Variants in MTMR3 observed in about 807,000 individuals in gnomAD.
MTMR3 encodes the protein phosphatidylinositol-3,5-bisphosphate 3-phosphatase MTMR3.
In MTMR3, 32 loss-of-function variants were observed where a neutral mutation model predicts 132.4. That is an observed-to-expected ratio of 0.24 (90% CI 0.18 to 0.32). The LOEUF (loss-of-function observed/expected upper bound fraction) is 0.32. Among genes scored for constraint, MTMR3 ranks in the 10% least tolerant of loss-of-function variants. The pLI is 1.00. For missense variants in MTMR3, 1,216 were observed against 1,489.6 expected (o/e 0.82, Z 3.02); for synonymous variants, 556 against 550.3 (o/e 1.01, Z -0.14).
intron 3 of MTMR3, among the ~76,000 whole-genome samples, chr22:29,974,068 A>G (rs1045263345): frequency 6.6e-6 from 1 of 152,114 alleles, no homozygotes; most frequent in African/African-American, 2.4e-5. Context: ...ATGGAGGTGG[A>G]TGGAGACTAC....
At chr22:29,930,113 A>T (rs7291756) in intron 1 of MTMR3, among the ~76,000 whole-genome samples, 5 of 152,066 alleles carry the variant, frequency 3.3e-5, no homozygotes, top group African/African-American at 1.2e-4. Flanking sequence ...GTGTGTTTGT[A>T]TAATATTTTT....
intron 1 of MTMR3, among the ~76,000 whole-genome samples, chr22:29,904,084 T>C (rs751294818): frequency 3.3e-5 from 5 of 152,244 alleles, no homozygotes; most frequent in East Asian, 1.9e-4. Context: ...ACAAGACTTA[T>C]AGCTCTTTAC....
chr22:29,902,740 T>TCCTCC (rs1401510038), intron 1 of MTMR3, among the ~76,000 whole-genome samples: 1 of 152,104 alleles, frequency 6.6e-6, no homozygotes, highest in Non-Finnish European at 1.5e-5. Context: ...TCTTCTCCTC[T>TCCTCC]CCTCCCCTCT....
At chr22:29,946,233 T>C (rs938385009) in intron 1 of MTMR3, among the ~76,000 whole-genome samples, 3 of 152,114 alleles carry the variant, frequency 2.0e-5, no homozygotes, top group Non-Finnish European at 4.4e-5. Flanking sequence ...CTAGAACAAC[T>C]GTGATTCCCA....
At chr22:29,954,092 A>ATTTTTTTTTTTTTTTTTTTT (rs1602555250) in intron 1 of MTMR3, among the ~76,000 whole-genome samples, 1 of 45,186 alleles carries the variant, frequency 2.2e-5, no homozygotes, top group African/African-American at 8.2e-5. Flanking sequence ...TTGTCTCTTA[A>ATTTTTTTTTTTTTTTTTTTT]ATTTAAAAGA....
At chr22:29,973,379 T>C (rs940512400) in intron 3 of MTMR3, among the ~76,000 whole-genome samples, 1 of 152,220 alleles carries the variant, frequency 6.6e-6, no homozygotes, top group Non-Finnish European at 1.5e-5. Context: ...ATGACTATTC[T>C]TGTTTCATTT....
intron 3 of MTMR3, among the ~76,000 whole-genome samples, chr22:29,974,976 C>G (rs944860802): frequency 1.3e-5 from 2 of 152,072 alleles, no homozygotes; most frequent in African/African-American, 2.4e-5. Flanking sequence ...CATTTGGTCT[C>G]TTTTTTTGGA....
chr22:29,923,350 G>T (rs777710068), intron 1 of MTMR3, among the ~76,000 whole-genome samples: 47 of 151,678 alleles, frequency 3.1e-4, no homozygotes, highest in Non-Finnish European at 1.3e-4. Context: ...GGGATTACAG[G>T]TGTGAGCCAC....
Position 29,978,939 on chromosome 22 carries a change from C to G in MTMR3, c.97C>G (p.Pro33Ala). The G allele has an allele frequency of 1.2e-6, 2 of 1,609,340 alleles. No homozygotes were observed. The highest frequency in any genetic ancestry group is 1.7e-6 in the Non-Finnish European group (2 of 1,176,382). ...LIREDENLQV[P>A]FLELHGESTE... ...AAGGGTTTCTTTCATTTCGAAGGTT[C>G]CTTTCCTTGAACTTCATGGAGAGAG... The change falls in exon 5 of 20, where the codon CCT becomes GCT. Residue 33 changes from proline (P) to alanine (A), a missense_variant. Pro to Ala is a conservative substitution (Grantham distance 27). Around this residue, in one of 7 missense-constraint regions of MTMR3, gnomAD observed 81 missense variants for 87.7 expected, o/e 0.92. Coordinates refer to ENST00000401950, the MANE Select transcript of MTMR3 (RefSeq NM_021090.4).
intron 1 of MTMR3, among the ~76,000 whole-genome samples, chr22:29,937,935 G>A (rs1269847722): frequency 6.6e-6 from 1 of 152,032 alleles, no homozygotes; most frequent in Non-Finnish European, 1.5e-5. Context: ...GGTCACAGGA[G>A]AACAGAAAAT....
intron 12 of MTMR3, chr22:30,010,303 T>C (rs1440422940): frequency 6.6e-6 from 1 of 152,218 alleles, no homozygotes; most frequent in African/African-American, 2.4e-5. Flanking sequence ...CATGATCTAA[T>C]ACCCTCCATA....
intron 5 of MTMR3, chr22:29,986,445 C>CT (rs1245462049): frequency 3.9e-6 from 2 of 508,274 alleles, no homozygotes; most frequent in African/African-American, 4.2e-5. Flanking sequence ...AATCTGTCTT[C>CT]TTAATCTCAA....
intron 1 of MTMR3, among the ~76,000 whole-genome samples, chr22:29,941,031 A>G (rs1261729448): frequency 6.7e-6 from 1 of 150,120 alleles, no homozygotes; most frequent in East Asian, 1.9e-4. Context: ...CAGAACTTTT[A>G]CATCACATGA....
chr22:30,013,252 C>G (rs1385714767), intron 13 of MTMR3, 104 bp from the exon 14 acceptor site: 6 of 1,235,172 alleles, frequency 4.9e-6, no homozygotes, highest in Middle Eastern at 2.9e-4. Context: ...GGTGGGCTTT[C>G]TGGGAGGCTG....
At chr22:29,953,882 C>T (rs1009073579) in intron 1 of MTMR3, among the ~76,000 whole-genome samples, 1 of 152,042 alleles carries the variant, frequency 6.6e-6, no homozygotes, top group East Asian at 1.9e-4. Context: ...TTTAATGCAA[C>T]CACATTACAT....
At chr22:29,943,198 T>C (rs1454917733) in intron 1 of MTMR3, among the ~76,000 whole-genome samples, 3 of 152,048 alleles carry the variant, frequency 2.0e-5, no homozygotes, top group African/African-American at 7.3e-5. Flanking sequence ...TTTTCTTTTT[T>C]TCTTTTTTTT....
chr22:29,896,735 A>G (rs12710565), intron 1 of MTMR3, among the ~76,000 whole-genome samples: 53,586 of 152,052 alleles, frequency 0.35, 10,421 homozygotes, highest in East Asian at 0.71. Context: ...TAACATAACC[A>G]TTTATTTAAG....
At position 30,022,644 on chromosome 22, in the gene MTMR3, C is replaced by T. The variant is rs377324293; in HGVS notation, c.3372C>T (p.His1124=). 4 of 1,612,668 alleles carry T rather than the reference C, an allele frequency of 2.5e-6. No homozygotes were observed. The highest frequency in any genetic ancestry group is 3.4e-6 in the Non-Finnish European group (4 of 1,180,024). Residue 1124 remains histidine (H), a synonymous_variant, in exon 19 of 20, where the codon CAC becomes CAT. Coordinates refer to ENST00000401950, the MANE Select transcript of MTMR3 (RefSeq NM_021090.4). ...GGCTTCCTGACCACCTGGCCGCCCA[C>T]TGCTATGCGTGCGACAGTGCCTTCT... ...TRWLPDHLAA[H]CYACDSAFWL...
At chr22:29,992,573 C>T (rs2066985513) in intron 7 of MTMR3, 1 of 152,166 alleles carries the variant, frequency 6.6e-6, no homozygotes, top group Admixed American at 6.5e-5. Flanking sequence ...TTTGCTGGTC[C>T]AACACTGACT....
Sources: gnomAD v4.1 joint callset for allele counts (sites outside exome capture counted in the v4.1 genomes callset) on GRCh38, gnomAD v4.1.1 for gene constraint, gnomAD v4.1.1 regional missense constraint, MANE v1.5 for transcripts, NCBI Gene and HGNC (gene_info 2026-07-23, HGNC 2026-07-21) for gene names.